Variants in BMPER observed in about 807,000 individuals in gnomAD.
BMPER encodes BMP-binding endothelial regulator protein.
A neutral mutation model predicts 87.3 loss-of-function variants in BMPER; 45 were observed. The ratio of observed to expected loss-of-function variants is 0.52; its 90% confidence interval spans 0.41 to 0.66. BMPER has a LOEUF of 0.66. BMPER is among the 30% of genes least tolerant of loss of function. The pLI is 0.00. For missense variants in BMPER, 784 were observed against 867.5 expected (o/e 0.90, Z 1.21); for synonymous variants, 326 against 316.2 (o/e 1.03, Z -0.33).
At chr7:34,062,079 G>A (rs1439277049) in intron 11 of BMPER, 32 bp downstream of exon 11, 3 of 1,591,842 alleles carry the variant, frequency 1.9e-6, no homozygotes, top group East Asian at 2.2e-5. Context: ...TGTGCTATTA[G>A]TATTTGTTTT....
chr7:33,998,877 G>A (rs1037123521), intron 6 of BMPER, among the ~76,000 whole-genome samples: 4 of 152,084 alleles, frequency 2.6e-5, no homozygotes, highest in Non-Finnish European at 5.9e-5. Context: ...TGTCTTACTT[G>A]TTTTTCTTCC....
chr7:34,152,944 T>C (rs1300574937), intron 14 of BMPER, 148 bp from the exon 15 acceptor site: 4 of 905,764 alleles, frequency 4.4e-6, no homozygotes, highest in Non-Finnish European at 7.2e-6. Flanking sequence ...TGTTGGGTGT[T>C]TGTCATTCTC....
chr7:33,961,481 T>A (rs1200244646), intron 3 of BMPER, among the ~76,000 whole-genome samples: 2 of 151,926 alleles, frequency 1.3e-5, no homozygotes, highest in African/African-American at 4.8e-5. Context: ...TTAAGAAAGG[T>A]CCCTACCACA....
rs955418064 is a variant in BMPER at position 33,958,280 on chromosome 7, A to G, written c.320-8199A>G. ...TGCCTATTGCTCAGGGCTGAATCCC[A>G]TTGCAAAACATGTTCTTATTATGAA... On this transcript the variant is annotated intron_variant, in intron 3 of 14. Transcript: ENST00000649409. 9.2e-5 allele frequency among the ~76,000 whole-genome samples: 14 copies of G among 152,188 alleles called. 1 individual carries two copies. The highest frequency in any genetic ancestry group is 7.2e-4 in the Admixed American group (11 of 15,274).
intron 11 of BMPER, among the ~76,000 whole-genome samples, chr7:34,074,520 C>T (rs891788192): frequency 3.9e-5 from 6 of 152,342 alleles, no homozygotes; most frequent in East Asian, 1.9e-4. Flanking sequence ...ATCATCACGA[C>T]GCTTACCTTT....
At chr7:33,971,653 C>T (rs1398127441) in intron 5 of BMPER, among the ~76,000 whole-genome samples, 1 of 152,024 alleles carries the variant, frequency 6.6e-6, no homozygotes, top group Non-Finnish European at 1.5e-5. Context: ...CAGTAGTTGT[C>T]CAGGCTGCAC....
intron 6 of BMPER, among the ~76,000 whole-genome samples, chr7:33,984,317 T>C (rs1338552190): frequency 6.6e-6 from 1 of 151,910 alleles, no homozygotes; most frequent in Non-Finnish European, 1.5e-5. Flanking sequence ...AATACAAAAA[T>C]TAGCTGGGCA....
chr7:34,102,704 G>A (rs918578506), intron 13 of BMPER, among the ~76,000 whole-genome samples: 9 of 152,162 alleles, frequency 5.9e-5, no homozygotes, highest in Non-Finnish European at 1.2e-4. Context: ...AATATGAGAG[G>A]AGTGACCTCT....
At chr7:33,925,028 G>A (rs966548432) in intron 2 of BMPER, among the ~76,000 whole-genome samples, 13 of 152,066 alleles carry the variant, frequency 8.5e-5, no homozygotes, top group Non-Finnish European at 1.6e-4. Flanking sequence ...CCCTTGTCCC[G>A]CTTGATTTTC....
intron 11 of BMPER, among the ~76,000 whole-genome samples, chr7:34,076,041 G>A (rs1788855423): frequency 6.6e-6 from 1 of 152,172 alleles, no homozygotes; most frequent in African/African-American, 2.4e-5. Context: ...CTGTCAAACA[G>A]AAAAATCATC....
At chr7:34,049,100 TGCCTTTTGCATTA>T (rs1045894659) in intron 7 of BMPER, among the ~76,000 whole-genome samples, 6 of 152,224 alleles carry the variant, frequency 3.9e-5, no homozygotes, top group African/African-American at 1.4e-4. Flanking sequence ...GATATACCTC[TGCCTTTTGCATTA>T]CAACATTCCT....
chr7:33,972,207 A>C (rs906827164), intron 5 of BMPER, among the ~76,000 whole-genome samples: 1 of 152,018 alleles, frequency 6.6e-6, no homozygotes, highest in African/African-American at 2.4e-5. Flanking sequence ...CCGGCCGACT[A>C]TGGCTTTATT....
At chr7:34,105,055 T>G (rs1789784187) in intron 13 of BMPER, among the ~76,000 whole-genome samples, 1 of 152,170 alleles carries the variant, frequency 6.6e-6, no homozygotes, top group South Asian at 2.1e-4. Flanking sequence ...GCTAGGAATG[T>G]GTGGTGTGTG....
intron 6 of BMPER, among the ~76,000 whole-genome samples, chr7:34,016,589 G>A (rs1440901430): frequency 1.3e-5 from 2 of 151,906 alleles, no homozygotes; most frequent in Admixed American, 1.3e-4. Flanking sequence ...TTCCTGGGGT[G>A]GAATTACTGA....
At chr7:34,060,761 T>G (rs1209287747) in intron 10 of BMPER, among the ~76,000 whole-genome samples, 1 of 152,210 alleles carries the variant, frequency 6.6e-6, no homozygotes. Flanking sequence ...CTCTCCATGG[T>G]CTCTGTTTCC....
At chr7:34,138,527 A>C (rs1198051573) in intron 13 of BMPER, among the ~76,000 whole-genome samples, 1 of 152,224 alleles carries the variant, frequency 6.6e-6, no homozygotes, top group Non-Finnish European at 1.5e-5. Context: ...TTAACCACAC[A>C]GAACAAGAGT....
intron 4 of BMPER, among the ~76,000 whole-genome samples, chr7:33,969,958 T>C (rs908438743): frequency 1.3e-5 from 2 of 152,142 alleles, no homozygotes; most frequent in African/African-American, 4.8e-5. Flanking sequence ...TTGACATGAA[T>C]AACAATGATA....
chr7:34,039,067 C>T (rs1787763007), intron 6 of BMPER, among the ~76,000 whole-genome samples: 1 of 152,204 alleles, frequency 6.6e-6, no homozygotes, highest in South Asian at 2.1e-4. Context: ...GGCTTCCAGC[C>T]ACCAGGGAAG....
intron 6 of BMPER, among the ~76,000 whole-genome samples, chr7:34,013,708 A>G (rs565053169): frequency 6.6e-6 from 1 of 151,970 alleles, no homozygotes; most frequent in East Asian, 2.0e-4. Flanking sequence ...GGAGGCACCT[A>G]ATGCCTGGTT....
Sources: gnomAD v4.1 joint callset for allele counts (sites outside exome capture counted in the v4.1 genomes callset) on GRCh38, gnomAD v4.1.1 for gene constraint, MANE v1.5 for transcripts, NCBI Gene and HGNC (gene_info 2026-07-23, HGNC 2026-07-21) for gene names.